The following HIVEP3 variants were observed in gnomAD, a reference collection of about 807,000 sequenced individuals.
The protein encoded by HIVEP3 is transcription factor HIVEP3.
HIVEP3 carries 49 observed loss-of-function variants against 152.8 expected under a neutral mutation model. That is an observed-to-expected ratio of 0.32 (90% CI 0.26 to 0.41). The LOEUF (loss-of-function observed/expected upper bound fraction) is 0.41. Ranked by LOEUF, HIVEP3 falls within the 10% of genes least tolerant of loss-of-function variation. The pLI, the probability that HIVEP3 is intolerant of heterozygous loss-of-function variation, is 1.00. For synonymous variants in HIVEP3, 1,269 were observed against 1,289.0 expected (o/e 0.98, Z 0.33); for missense variants, 2,790 against 3,103.3 (o/e 0.90, Z 2.40).
In HIVEP3 at chr1:41,511,218, G is replaced by A. The variant is rs776704335; in HGVS notation, c.6454C>T (p.Pro2152Ser). Residue 2152 changes from proline to serine, a missense_variant, in exon 9 of 9, where the codon CCT becomes TCT. Pro to Ser is a moderately conservative substitution (Grantham distance 74). Coordinates refer to ENST00000372583, the MANE Select transcript of HIVEP3 (RefSeq NM_024503.5). This position sits in a 1 kb window ranked among gnomAD's most constrained non-coding sequence, Gnocchi z 4.9. ...GCGGAGAAGGGTCGGGAGGAGAGAG[G>A]ATGAGCAGGGCCGGGTGAGCAGGAG... ...SPSCSPGPAH[P>S]LSSRPFSALH... 3 of 1,613,514 alleles carry A rather than the reference G, an allele frequency of 1.9e-6. No individual in the cohort carries two copies. The Admixed American group carries it at 5.0e-5, about 27-fold the overall frequency.
At chr1:41,512,003 G>A (rs1038952501) in intron 8 of HIVEP3, among the ~76,000 whole-genome samples, 12 of 152,142 alleles carry the variant, frequency 7.9e-5, no homozygotes, top group Non-Finnish European at 8.8e-5. Flanking sequence ...TGAGAGCACT[G>A]GTGACAGTGA....
intron 1 of HIVEP3, among the ~76,000 whole-genome samples, chr1:41,895,644 G>A (rs1420166356): frequency 3.9e-5 from 6 of 152,198 alleles, no homozygotes; most frequent in Middle Eastern, 3.4e-3. Context: ...TGGACCCCCC[G>A]CAGGCCCAAG....
At chr1:42,032,642 A>T (rs1167137006) in intron 1 of HIVEP3, among the ~76,000 whole-genome samples, 1 of 151,428 alleles carries the variant, frequency 6.6e-6, no homozygotes, top group African/African-American at 2.4e-5. Context: ...CCATCCTCTT[A>T]TTGCCCCCCT....
intron 1 of HIVEP3, among the ~76,000 whole-genome samples, chr1:41,824,942 A>T (rs1236313319): frequency 1.3e-5 from 2 of 151,596 alleles, no homozygotes; most frequent in African/African-American, 4.9e-5. Flanking sequence ...GGCACTTCTC[A>T]GCTCACTGCA....
intron 3 of HIVEP3, among the ~76,000 whole-genome samples, chr1:41,601,967 T>C (rs1306148942): frequency 6.6e-6 from 1 of 152,222 alleles, no homozygotes; most frequent in Non-Finnish European, 1.5e-5. Context: ...TGTTGAATTT[T>C]GTCAAATGCC....
intron 3 of HIVEP3, among the ~76,000 whole-genome samples, chr1:41,611,769 T>C (rs1248247343): frequency 5.3e-5 from 8 of 152,330 alleles, no homozygotes; most frequent in East Asian, 1.9e-4. Context: ...CTCTGTGAGA[T>C]TGTGCTGCCT....
intron 2 of HIVEP3, among the ~76,000 whole-genome samples, chr1:41,665,705 T>TACACACACAC (rs1489493920): frequency 9.2e-5 from 2 of 21,842 alleles, no homozygotes; most frequent in African/African-American, 9.8e-4. Flanking sequence ...ACGGAAATGT[T>TACACACACAC]ATACACACAC....
chr1:41,619,145 C>T (rs61773700), intron 3 of HIVEP3, among the ~76,000 whole-genome samples: 3,358 of 152,274 alleles, frequency 0.022, 44 homozygotes, highest in Non-Finnish European at 0.033. Context: ...GCCCCCACCC[C>T]CACTCCTCCA....
chr1:41,663,824 G>C (rs1166968604), intron 2 of HIVEP3, among the ~76,000 whole-genome samples: 3 of 152,128 alleles, frequency 2.0e-5, no homozygotes, highest in Non-Finnish European at 4.4e-5. Context: ...CTGCCCAGCT[G>C]TTCTGTGGAT....
intron 1 of HIVEP3, among the ~76,000 whole-genome samples, chr1:41,879,790 T>C (rs1159935558): frequency 6.6e-6 from 1 of 152,230 alleles, no homozygotes; most frequent in African/African-American, 2.4e-5. Context: ...ATACCTTGCA[T>C]TGCAAGAAAA....
At chr1:41,756,225 A>G (rs1160154111) in intron 1 of HIVEP3, among the ~76,000 whole-genome samples, 1 of 152,340 alleles carries the variant, frequency 6.6e-6, no homozygotes, top group Admixed American at 6.5e-5. Context: ...CATCTAATGT[A>G]TGATTATAGA....
intron 1 of HIVEP3, among the ~76,000 whole-genome samples, chr1:41,710,792 G>A (rs776805538): frequency 5.3e-5 from 8 of 152,298 alleles, no homozygotes; most frequent in Non-Finnish European, 7.4e-5. Flanking sequence ...CCCTGTGGCC[G>A]TGCAGCAGTG....
At position 41,984,884 on chromosome 1, in the gene HIVEP3, A is replaced by G. The variant is rs114027102; in HGVS notation, n.119+50923T>C. Among the ~76,000 whole-genome samples the G allele has an allele frequency of 1.7e-3, 253 of 152,332 alleles. 1 individual carries two copies. Among genetic ancestry groups the G allele is most frequent in the African/African-American group, 5.9e-3 (247 of 41,574 alleles). On this transcript the variant is annotated intron_variant and non_coding_transcript_variant, in intron 1 of 3. Transcript: ENST00000489103. The stretch of plus-strand genomic sequence containing the variant: ...CTGCCCTCTAGGGGCATATAATCTT[A>G]TAAAGTAGCAGAAAATAAACAAATA...
chr1:41,558,011 C>T (rs1378201417), intron 5 of HIVEP3, among the ~76,000 whole-genome samples: 1 of 152,224 alleles, frequency 6.6e-6, no homozygotes, highest in East Asian at 1.9e-4. Context: ...AATGGAGCTA[C>T]ACGGAGGTGG....
At chr1:41,928,060 CAA>C (rs10660316) in intron 1 of HIVEP3, among the ~76,000 whole-genome samples, 1,518 of 86,324 alleles carry the variant, frequency 0.018, 11 homozygotes, top group African/African-American at 0.061. Flanking sequence ...GACTCCATCT[CAA>C]AAAAAAAAAA....
At chr1:41,777,352 C>T (rs564742452) in intron 1 of HIVEP3, among the ~76,000 whole-genome samples, 7 of 152,382 alleles carry the variant, frequency 4.6e-5, no homozygotes, top group African/African-American at 1.7e-4. Flanking sequence ...CCCATCTCTT[C>T]AGCCTGTCTG....
chr1:41,669,651 C>T (rs1399770295), intron 2 of HIVEP3, among the ~76,000 whole-genome samples: 1 of 152,238 alleles, frequency 6.6e-6, no homozygotes, highest in African/African-American at 2.4e-5. Flanking sequence ...AATGAAACAT[C>T]GGCTCTTCTT....
chr1:41,894,115 C>T (rs976699271), intron 1 of HIVEP3, among the ~76,000 whole-genome samples: 2 of 151,882 alleles, frequency 1.3e-5, no homozygotes, highest in Non-Finnish European at 2.9e-5. Flanking sequence ...CCACCATGCC[C>T]AGCCTATTTT....
At chr1:41,872,736 T>C (rs1404658792) in intron 1 of HIVEP3, among the ~76,000 whole-genome samples, 2 of 152,242 alleles carry the variant, frequency 1.3e-5, no homozygotes, top group East Asian at 1.9e-4. Flanking sequence ...GGTAGTTTGT[T>C]CCTTTTTATT....
Sources: gnomAD v4.1 joint callset for allele counts (sites outside exome capture counted in the v4.1 genomes callset) on GRCh38, gnomAD v4.1.1 for gene constraint, Gnocchi (gnomAD v3.1) non-coding constraint, MANE v1.5 for transcripts, NCBI Gene and HGNC (gene_info 2026-07-23, HGNC 2026-07-21) for gene names.